Variants in MUC3A observed in about 807,000 individuals in gnomAD.
MUC3A encodes the protein mucin 3A, cell surface associated, also known as mucin-3A.
A neutral mutation model predicts 109.0 loss-of-function variants in MUC3A; 109 were observed. That is an observed-to-expected ratio of 1.00 (90% CI 0.86 to 1.17). The LOEUF (loss-of-function observed/expected upper bound fraction) is 1.17. MUC3A is among the 50% of genes most tolerant of loss of function. MUC3A has a pLI of 0.00. For synonymous variants in MUC3A, 1,398 were observed against 981.4 expected (o/e 1.42, Z -7.93); for missense variants, 3,537 against 2,469.4 (o/e 1.43, Z -9.16).
At position 100,958,668 on chromosome 7, in the gene MUC3A, A is replaced by C; in HGVS notation, c.6889A>C (p.Thr2297Pro). Residue 2297 changes from threonine (T) to proline (P), a missense_variant, in exon 2 of 12, where the codon ACC (threonine) becomes CCC (proline). Physicochemically the swap from Thr to Pro is conservative, Grantham distance 38. Coordinates refer to ENST00000379458, the MANE Select transcript of MUC3A (RefSeq NM_005960.2). ...CAGCTCCACTTCTTTAATCACCACC[A>C]CCAAGACCACCTCACACAGTACTCC... ...TPSSTSLITT[T>P]KTTSHSTPSF... The C allele has an allele frequency of 2.0e-6, 3 of 1,478,460 alleles. No individual in the cohort carries two copies. The highest frequency in any genetic ancestry group is 2.8e-6 in the Non-Finnish European group (3 of 1,079,338). 91.6% of individuals were successfully genotyped at this position (1,478,460 alleles called of 1,614,324 possible).
At chr7:100,962,374 C>A (rs1272544992) in intron 3 of MUC3A, among the ~76,000 whole-genome samples, 3 of 152,306 alleles carry the variant, frequency 2.0e-5, no homozygotes, top group East Asian at 1.9e-4. Flanking sequence ...GCTATGATCC[C>A]CCTATTGCAC....
At chr7:100,962,020 C>T (rs1792347659) in intron 3 of MUC3A, among the ~76,000 whole-genome samples, 1 of 36,438 alleles carries the variant, frequency 2.7e-5, no homozygotes, top group East Asian at 8.7e-4. Context: ...ATCACGAGGT[C>T]AGGAGATCGA....
At position 100,960,655 on chromosome 7, in the gene MUC3A, T is replaced by A. The variant is rs760686185; in HGVS notation, c.8866+10T>A. ...TTGACCACCACTGCAGGTTGGACCT[T>A]CTGCCTCTCTGTTCCCCTCCTTCCT... On this transcript the variant is annotated intron_variant, in intron 2 of 11. Transcript: ENST00000379458. 1 of 1,595,928 alleles carries A rather than the reference T, an allele frequency of 6.3e-7. No homozygotes were observed.
At position 100,956,811 on chromosome 7, in the gene MUC3A, C is replaced by T. The variant is rs1458388915; in HGVS notation, c.5032C>T (p.Gln1678Ter). ...CAGCAGTGTAGGGACCACTCACACC[C>T]AGAGTATCTCCTCACCCCCAGCCAT... ...SASSVGTTHTQSISSPPAITS... is the reference protein window; with the variant it reads ...SASSVGTTHT The change falls in exon 2 of 12, where the codon CAG (glutamine) becomes TAG (stop). Residue 1678 changes from glutamine (Q) to a stop codon, truncating the protein, a stop_gained. Coordinates refer to ENST00000379458, the MANE Select transcript of MUC3A (RefSeq NM_005960.2). LOFTEE classifies it high-confidence loss of function. 1 of 282,616 alleles carries T rather than the reference C, an allele frequency of 3.5e-6. No individual in the cohort carries two copies. Among genetic ancestry groups the T allele is most frequent in the Non-Finnish European group, 5.7e-6 (1 of 176,034 alleles). 17.5% of individuals were successfully genotyped at this position (282,616 alleles called of 1,614,324 possible).
intron 4 of MUC3A, 46 bp from the exon 5 acceptor site, chr7:100,963,642 A>T (rs1218069997): frequency 1.5e-5 from 24 of 1,598,128 alleles, no homozygotes; most frequent in Non-Finnish European, 1.9e-5. Context: ...GGGTCCCCTC[A>T]GGTCTGCAGG....
Position 100,949,922 on chromosome 7 carries a change from G to T in MUC3A, c.61+237G>T, listed in dbSNP as rs559429714. On this transcript the variant is annotated intron_variant, in intron 1 of 11. Coordinates refer to ENST00000379458, the MANE Select transcript of MUC3A (RefSeq NM_005960.2). The stretch of plus-strand genomic sequence containing the variant: ...AGGTTGGGAAAGAGTGAGGGAGCTG[G>T]GTCTCTGCCACTCTCCACCAAGCAC... Among the ~76,000 whole-genome samples, 5 of 110,594 alleles carry T rather than the reference G, an allele frequency of 4.5e-5. No individual in the cohort carries two copies. In the South Asian group the frequency reaches 1.2e-3, roughly 26 times the overall value. The allele number at this position is 110,594 out of a possible 152,430, so 72.6% of individuals were successfully genotyped here. A position where few individuals can be genotyped will look rare whatever the true frequency, so the allele number is the denominator to read the frequency against.
In MUC3A at chr7:100,957,942, A is replaced by C. The variant is rs958710350; in HGVS notation, c.6163A>C (p.Ser2055Arg). 54 of 768,130 alleles carry C rather than the reference A, an allele frequency of 7.0e-5. No homozygotes were observed. Among genetic ancestry groups the C allele is most frequent in the Admixed American group, 1.6e-4 (9 of 56,530 alleles). 47.6% of individuals were successfully genotyped at this position (768,130 alleles called of 1,614,324 possible). A position where few individuals can be genotyped will look rare whatever the true frequency, so the allele number is the denominator to read the frequency against. Residue 2055 changes from serine to arginine, a missense_variant, in exon 2 of 12, where the codon AGT (serine) becomes CGT (arginine). Coordinates refer to ENST00000379458, the MANE Select transcript of MUC3A (RefSeq NM_005960.2). ...SSITTETTSH[S>R]TPSFTSLITI... is the part of the protein sequence containing the mutation. ...GATCACCACCGAGACCACATCCCACAGTACTCCCAGCTTCACTTCATTGAT... is the reference window on the plus strand; with the variant it reads ...GATCACCACCGAGACCACATCCCACCGTACTCCCAGCTTCACTTCATTGAT...
chr7:100,964,150 C>T (rs117378530), intron 5 of MUC3A: 10,570 of 341,658 alleles, frequency 0.031, no homozygotes, highest in Middle Eastern at 0.05. Flanking sequence ...AAGAAGAGAA[C>T]GTCAGGCCAG....
rs373154017 is a variant in MUC3A at position 100,958,961 on chromosome 7, G to A, written c.7182G>A (p.Ser2394=). Residue 2394 remains serine (S), a synonymous_variant, in exon 2 of 12, where the codon TCG becomes TCA. Transcript: ENST00000379458. ...TPLHSTPGLT[S]WVTTTKTTSH... ...TACACAGTACTCCTGGCCTCACTTC[G>A]TGGGTCACCACCACCAAGACCACCT... 24 of 1,229,850 alleles carry A rather than the reference G, an allele frequency of 2.0e-5. No individual in the cohort carries two copies. Among genetic ancestry groups the A allele is most frequent in the South Asian group, 5.3e-5 (3 of 56,494 alleles). 76.2% of individuals were successfully genotyped at this position (1,229,850 alleles called of 1,614,324 possible).
intron 4 of MUC3A, 28 bp from the exon 5 acceptor site, chr7:100,963,660 G>A (rs1181405465): frequency 1.2e-5 from 19 of 1,598,284 alleles, no homozygotes; most frequent in South Asian, 5.5e-5. Flanking sequence ...AGGTTCGGAC[G>A]TGAGCCCAGG....
Position 100,965,314 on chromosome 7 carries a change from A to T in MUC3A, c.9415A>T (p.Asn3139Tyr). The T allele has an allele frequency of 6.3e-7, 1 of 1,599,234 alleles. No homozygotes were observed. Among genetic ancestry groups the T allele is most frequent in the Non-Finnish European group, 8.5e-7 (1 of 1,179,738 alleles). Reference sequence around the variant, plus strand: ...TTTTAAGCCTGACTCCATCAAGGTGAACAACAACAGCAAGACAGAGCTGAC... The same window carrying T: ...TTTTAAGCCTGACTCCATCAAGGTGTACAACAACAGCAAGACAGAGCTGAC... ...LCFKPDSIKV[N>Y]NNSKTELTPA... Residue 3139 changes from asparagine (N) to tyrosine (Y), a missense_variant, in exon 7 of 12, where the codon AAC (asparagine) becomes TAC (tyrosine). By Grantham distance (143) the Asn-to-Tyr change is moderately radical. Transcript: ENST00000379458.
Position 100,967,339 on chromosome 7 carries a change from A to G in MUC3A, c.*177A>G, listed in dbSNP as rs1339813244. ...TCTCCTTCCAACTTGGCTGAAACCC[A>G]CCTGGAGACGCAGTTCACGTCCAGG... On this transcript the variant is annotated 3_prime_UTR_variant, in exon 12 of 12. Coordinates refer to ENST00000379458, the MANE Select transcript of MUC3A (RefSeq NM_005960.2). 15 of 1,001,190 alleles carry G rather than the reference A, an allele frequency of 1.5e-5. No individual in the cohort carries two copies. Among genetic ancestry groups the G allele is most frequent in the Non-Finnish European group, 2.2e-5 (15 of 689,570 alleles). 62.0% of individuals were successfully genotyped at this position (1,001,190 alleles called of 1,614,324 possible). A position where few individuals can be genotyped will look rare whatever the true frequency, so the allele number is the denominator to read the frequency against.
rs1792510717 is a variant in MUC3A at position 100,965,738 on chromosome 7, A to G, written c.9483A>G (p.Glu3161=). Residue 3161 remains glutamate (E), a synonymous_variant, in exon 8 of 12, where the codon GAA becomes GAG. Transcript: ENST00000379458. ...ICRRAAPTGY[E]EFYFPLVEAT... ...GCCGCGCCGCTCCCACGGGCTATGAAGAGTTCTACTTCCCCTTGGTGGAGG... is the reference window on the plus strand; with the variant it reads ...GCCGCGCCGCTCCCACGGGCTATGAGGAGTTCTACTTCCCCTTGGTGGAGG... 1 of 1,598,374 alleles carries G rather than the reference A, an allele frequency of 6.3e-7. No homozygotes were observed. Among genetic ancestry groups the G allele is most frequent in the East Asian group, 2.2e-5 (1 of 44,886 alleles).
rs376598635 is a variant in MUC3A, at chr7:100,960,416, C to T, written c.8637C>T (p.Ile2879=). 1.2e-5 allele frequency: 19 copies of T among 1,598,544 alleles called. No individual in the cohort carries two copies. The highest frequency in any genetic ancestry group is 1.6e-5 in the Non-Finnish European group (19 of 1,179,816). ...CCTGGCTGAGCAACAGTTCTGTGATCCCCCTACCTCTTCCTGGCGTCTCTA... is the reference window on the plus strand; with the variant it reads ...CCTGGCTGAGCAACAGTTCTGTGATTCCCCTACCTCTTCCTGGCGTCTCTA... The part of the protein sequence containing the change: ...SETWLSNSSV[I]PLPLPGVSTI... Residue 2879 remains isoleucine, a synonymous_variant, in exon 2 of 12, where the codon ATC becomes ATT. Coordinates refer to ENST00000379458, the MANE Select transcript of MUC3A (RefSeq NM_005960.2).
At position 100,959,012 on chromosome 7, in the gene MUC3A, T is replaced by C. The variant is rs753167605; in HGVS notation, c.7233T>C (p.Ser2411=). ...CACACATTACTCCTGGCCTCACTTCTTCAATCACCACCACTGAGACTACCT... is the reference window on the plus strand; with the variant it reads ...CACACATTACTCCTGGCCTCACTTCCTCAATCACCACCACTGAGACTACCT... ...TTSHITPGLT[S]SITTTETTSH... is the part of the protein sequence containing the mutation. The change falls in exon 2 of 12, where the codon TCT becomes TCC. Residue 2411 remains serine (S), a synonymous_variant. Coordinates refer to ENST00000379458, the MANE Select transcript of MUC3A (RefSeq NM_005960.2). The C allele has an allele frequency of 1.6e-5, 26 of 1,585,478 alleles. No homozygotes were observed. The highest frequency in any genetic ancestry group is 1.5e-4 in the Admixed American group (9 of 58,698).
intron 6 of MUC3A, 191 bp from the exon 7 acceptor site, chr7:100,965,091 G>C (rs1792480302): frequency 1.3e-5 from 15 of 1,149,726 alleles, no homozygotes; most frequent in South Asian, 3.1e-5. Context: ...GAAGACCTCG[G>C]ATTATTCAGG....
In MUC3A at chr7:100,959,212, C is replaced by A. The variant is rs757255782; in HGVS notation, c.7433C>A (p.Ser2478Tyr). The change falls in exon 2 of 12, where the codon TCT becomes TAT. Residue 2478 changes from serine (S) to tyrosine (Y), a missense_variant. Physicochemically the swap from Ser to Tyr is moderately radical, Grantham distance 144. Transcript: ENST00000379458. ...TAVTPTPVTPSSLSTDIPTTS... is the reference protein window; with the variant it reads ...TAVTPTPVTPYSLSTDIPTTS... ...GTGACTCCCACACCTGTAACCCCAT[C>A]TTCTCTGAGTACAGACATCCCGACC... 5 of 1,598,494 alleles carry A rather than the reference C, an allele frequency of 3.1e-6. No homozygotes were observed. The South Asian group carries it at 5.5e-5, about 18-fold the overall frequency.
At chr7:100,966,623 C>G (rs1177540709) in intron 9 of MUC3A, 29 bp from the exon 10 acceptor site, 2 of 1,598,384 alleles carry the variant, frequency 1.3e-6, no homozygotes, top group African/African-American at 1.3e-5. Flanking sequence ...CGGGCCGGCT[C>G]TGTCTGACCG....
At chr7:100,964,988 G>A in intron 6 of MUC3A, 145 bp downstream of exon 6, 2 of 1,040 alleles carry the variant, frequency 1.9e-3, no homozygotes, top group Non-Finnish European at 2.6e-3. Flanking sequence ...ACACACAACG[G>A]TGTCAAGGGT....
Sources: allele counts gnomAD v4.1 joint callset (sites outside exome capture counted in the v4.1 genomes callset), GRCh38; gene constraint gnomAD v4.1.1; transcripts MANE v1.5; gene names NCBI Gene and HGNC (gene_info 2026-07-23, HGNC 2026-07-21).